Variants in SSX2IP observed in about 807,000 individuals in gnomAD.
SSX2IP encodes the protein SSX family member 2 interacting protein, also known as afadin- and alpha-actinin-binding protein.
Under a neutral mutation model 84.9 loss-of-function variants are expected in SSX2IP, and 55 were observed. That is an observed-to-expected ratio of 0.65 (90% CI 0.52 to 0.81). SSX2IP has a LOEUF of 0.81. Among genes scored for constraint, SSX2IP ranks in the 30% least tolerant of loss-of-function variants. The pLI is 0.00. For synonymous variants in SSX2IP, 239 were observed against 234.7 expected, an observed-to-expected ratio of 1.02 and a Z score of -0.17; for missense variants, 664 against 705.2, an observed-to-expected ratio of 0.94 and a Z score of 0.66.
intron 13 of SSX2IP, among the ~76,000 whole-genome samples, chr1:84,649,251 C>T (rs1282603751): frequency 6.6e-6 from 1 of 152,150 alleles, no homozygotes; most frequent in African/African-American, 2.4e-5. Context: ...CTTATCCTCT[C>T]TGTATATTTG....
intron 11 of SSX2IP, among the ~76,000 whole-genome samples, chr1:84,652,868 A>C (rs1342614385): frequency 1.3e-5 from 2 of 151,392 alleles, no homozygotes; most frequent in Non-Finnish European, 2.9e-5. Context: ...TACTAAAAAT[A>C]CAAAACAAAA....
chr1:84,671,439 A>T, intron 1 of SSX2IP, 131 bp from the exon 2 acceptor site: 3 of 574,190 alleles, frequency 5.2e-6, no homozygotes, highest in Non-Finnish European at 5.4e-6. Context: ...CCATGCACAG[A>T]TATAGAACAT....
At chr1:84,662,142 T>G in intron 8 of SSX2IP, 56 bp downstream of exon 8, 2 of 1,214,100 alleles carry the variant, frequency 1.6e-6, no homozygotes, top group South Asian at 3.1e-5. Flanking sequence ...ACCACATATT[T>G]TAATTATTCT....
intron 1 of SSX2IP, among the ~76,000 whole-genome samples, chr1:84,676,566 T>C (rs1425963273): frequency 6.6e-6 from 1 of 152,236 alleles, no homozygotes; most frequent in Admixed American, 6.5e-5. Flanking sequence ...CTTAAATCTA[T>C]CATTCCTCAT....
intron 1 of SSX2IP, among the ~76,000 whole-genome samples, chr1:84,683,149 GCTT>G (rs1484207586): frequency 1.3e-5 from 2 of 150,806 alleles, no homozygotes; most frequent in African/African-American, 4.9e-5. Flanking sequence ...TATTCAAGCT[GCTT>G]TTTTTTTTTT....
rs916068102 is a variant in SSX2IP, at chr1:84,648,266, A to G, written c.1671-659T>C. On this transcript the variant is annotated intron_variant, in intron 13 of 13. Coordinates refer to ENST00000342203, the MANE Select transcript of SSX2IP (RefSeq NM_001166293.2). Reference sequence around the variant, plus strand: ...CCAAGTCAGGCTGCACAGCTTCTCTATTAGTTATAAAACTTTTTTCTGTTT... The same window carrying G: ...CCAAGTCAGGCTGCACAGCTTCTCTGTTAGTTATAAAACTTTTTTCTGTTT... 3.1e-4 allele frequency among the ~76,000 whole-genome samples: 47 copies of G among 152,194 alleles called. 1 individual carries two copies. The highest frequency in any genetic ancestry group is 5.4e-4 in the Non-Finnish European group (37 of 68,026).
At chr1:84,658,177 A>G in intron 9 of SSX2IP, 141 bp downstream of exon 9, 1 of 799,002 alleles carries the variant, frequency 1.3e-6, no homozygotes, top group African/African-American at 1.8e-5. Context: ...AAATAAATGT[A>G]TGCAAAATCT....
chr1:84,657,238 T>C (rs1338750320), intron 9 of SSX2IP, among the ~76,000 whole-genome samples: 1 of 152,016 alleles, frequency 6.6e-6, no homozygotes, highest in Non-Finnish European at 1.5e-5. Context: ...TGTATAAGGA[T>C]AATAGTTAAG....
rs1472079900 is a variant in SSX2IP, at chr1:84,645,245, G to A, written c.*2188C>T. ...AAATCCCAGGAGTTTTGTGTGTGGA[G>A]TCCTGGGTTTTCCAACAGACATCAT... On this transcript the variant is annotated 3_prime_UTR_variant, in exon 14 of 14. Coordinates refer to ENST00000342203, the MANE Select transcript of SSX2IP (RefSeq NM_001166293.2). 6.6e-6 allele frequency: 1 copy of A among 152,148 alleles called. No homozygotes were observed. The highest frequency in any genetic ancestry group is 1.5e-5 in the Non-Finnish European group (1 of 68,036). 9.4% of individuals were successfully genotyped at this position (152,148 alleles called of 1,614,324 possible). A position where few individuals can be genotyped will look rare whatever the true frequency, so the allele number is the denominator to read the frequency against.
intron 11 of SSX2IP, chr1:84,655,584 C>T: frequency 6.9e-7 from 1 of 1,439,472 alleles, no homozygotes; most frequent in Non-Finnish European, 9.2e-7. Flanking sequence ...CAGGAGAAAG[C>T]CAATCTGAAA....
At chr1:84,647,752 G>T in intron 13 of SSX2IP, 145 bp from the exon 14 acceptor site, 112 of 261,522 alleles carry the variant, frequency 4.3e-4, no homozygotes, top group Non-Finnish European at 4.5e-4. Flanking sequence ...ATTTTACTTG[G>T]AAAAAAAAAA....
rs371230093 is a variant in SSX2IP at position 84,658,434 on chromosome 1, A to T, written c.962T>A (p.Leu321Gln). 2.5e-6 allele frequency: 4 copies of T among 1,613,966 alleles called. No homozygotes were observed. The African/African-American group carries it at 5.3e-5, about 22-fold the overall frequency. The part of the protein sequence containing the change: ...ISDVEEDAGE[L>Q]SRESMWDLSC... ...AAGGTCCCACATACTCTCTCTGCTT[A>T]GTTCCCCGGCATCTTCTTCAACATC... The change falls in exon 9 of 14, where the codon CTA becomes CAA. Residue 321 changes from leucine (L) to glutamine (Q), a missense_variant. Transcript: ENST00000342203.
At chr1:84,651,041 T>C (rs889116905) in intron 12 of SSX2IP, among the ~76,000 whole-genome samples, 3 of 151,848 alleles carry the variant, frequency 2.0e-5, no homozygotes, top group Non-Finnish European at 2.9e-5. Context: ...CTAGGCTGGG[T>C]GGGGTGGCTC....
At chr1:84,658,695 C>T (rs578156732) in intron 8 of SSX2IP, among the ~76,000 whole-genome samples, 1 of 152,278 alleles carries the variant, frequency 6.6e-6, no homozygotes, top group East Asian at 1.9e-4. Context: ...CAGTTAATGA[C>T]AAGAGTCATG....
At position 84,666,223 on chromosome 1, in the gene SSX2IP, C is replaced by A; in HGVS notation, c.436G>T (p.Glu146Ter). 1 of 1,608,866 alleles carries A rather than the reference C, an allele frequency of 6.2e-7. No homozygotes were observed. Among genetic ancestry groups the A allele is most frequent in the Non-Finnish European group, 8.5e-7 (1 of 1,178,198 alleles). The change falls in exon 5 of 14, where the codon GAA (glutamate) becomes TAA (stop). Residue 146 changes from glutamate to a stop codon, truncating the protein, a stop_gained. Coordinates refer to ENST00000342203, the MANE Select transcript of SSX2IP (RefSeq NM_001166293.2). LOFTEE classifies it high-confidence loss of function. ...SCYSKLKEQL[E>*]TSRREMIGLQ... is the part of the protein sequence containing the mutation. The stretch of plus-strand genomic sequence containing the variant: ...CCAATCATTTCCCTCCTGGAGGTTT[C>A]CAGTTGTTCCTAAAACATTTATAAG...
intron 4 of SSX2IP, among the ~76,000 whole-genome samples, chr1:84,669,258 T>C (rs937207470): frequency 2.6e-5 from 4 of 152,078 alleles, no homozygotes; most frequent in African/African-American, 9.7e-5. Flanking sequence ...GGAAGTTATC[T>C]AGTCTGATTT....
chr1:84,656,018 A>G lies in SSX2IP; in HGVS notation c.1216-13T>C. 1 of 1,605,066 alleles carries G rather than the reference A, an allele frequency of 6.2e-7. No individual in the cohort carries two copies. Among genetic ancestry groups the G allele is most frequent in the East Asian group, 2.2e-5 (1 of 44,820 alleles). On this transcript the variant is annotated splice_polypyrimidine_tract_variant and intron_variant, in intron 10 of 13. Coordinates refer to ENST00000342203, the MANE Select transcript of SSX2IP (RefSeq NM_001166293.2). ...TAGCGAGCTGCTGCTATTAAAATTT[A>G]AAACATAGTAAGTTCCTGAGGGACC...
chr1:84,651,442 T>C (rs376227094), intron 12 of SSX2IP, among the ~76,000 whole-genome samples: 57 of 152,284 alleles, frequency 3.7e-4, no homozygotes, highest in African/African-American at 1.3e-3. Context: ...TTAAAGTTGA[T>C]TTTTAGGCCA....
intron 1 of SSX2IP, among the ~76,000 whole-genome samples, chr1:84,686,272 TA>T (rs1655774810): frequency 6.6e-6 from 1 of 152,200 alleles, no homozygotes; most frequent in African/African-American, 2.4e-5. Context: ...ACTGGGCAAT[TA>T]ATGGTCAGGG....
Sources: gnomAD v4.1 joint callset for allele counts (sites outside exome capture counted in the v4.1 genomes callset) on GRCh38, gnomAD v4.1.1 for gene constraint, MANE v1.5 for transcripts, NCBI Gene and HGNC (gene_info 2026-07-23, HGNC 2026-07-21) for gene names.